Variants in AKAP8 observed in about 807,000 individuals in gnomAD.
AKAP8 encodes A-kinase anchor protein 8.
A neutral mutation model predicts 67.5 loss-of-function variants in AKAP8; 24 were observed. That is an observed-to-expected ratio of 0.36 (90% CI 0.26 to 0.50). The LOEUF (loss-of-function observed/expected upper bound fraction) is 0.50, where lower values mean the gene tolerates loss of function less well. AKAP8 is among the 20% of genes least tolerant of loss of function. AKAP8 has a pLI of 0.97. For synonymous variants in AKAP8, 400 were observed against 371.1 expected (o/e 1.08, Z -0.90); for missense variants, 971 against 955.9 (o/e 1.02, Z -0.21).
chr19:15,369,000 T>G, intron 8 of AKAP8: 1 of 985,986 alleles, frequency 1.0e-6, no homozygotes, highest in Non-Finnish European at 1.2e-6. Context: ...GCGGCCATCA[T>G]CCCAGCATGA....
At chr19:15,365,253 CCT>C (rs1967050539) in intron 9 of AKAP8, among the ~76,000 whole-genome samples, 1 of 152,204 alleles carries the variant, frequency 6.6e-6, no homozygotes. Flanking sequence ...AGACAAAACA[CCT>C]CGCACAATTC....
At chr19:15,367,149 C>T (rs556846432) in intron 9 of AKAP8, among the ~76,000 whole-genome samples, 14 of 152,314 alleles carry the variant, frequency 9.2e-5, no homozygotes, top group East Asian at 3.9e-4. Context: ...TCAAGCGATC[C>T]GCCAGCTCAG....
At position 15,353,932 on chromosome 19, in the gene AKAP8, A is replaced by G. The variant is rs1019516428; in HGVS notation, c.*983T>C. 1 of 149,256 alleles carries G rather than the reference A, an allele frequency of 6.7e-6. No homozygotes were observed. The highest frequency in any genetic ancestry group is 1.5e-5 in the Non-Finnish European group (1 of 67,420). The allele number at this position is 149,256 out of a possible 1,614,324, so 9.2% of individuals were successfully genotyped here. ...AAATGAAACATATATTTCATTTTATATATATATATATATATTACAGATACC... is the reference window on the plus strand; with the variant it reads ...AAATGAAACATATATTTCATTTTATGTATATATATATATATTACAGATACC... On this transcript the variant is annotated 3_prime_UTR_variant, in exon 14 of 14. Coordinates refer to ENST00000269701, the MANE Select transcript of AKAP8 (RefSeq NM_005858.4).
Position 15,373,276 on chromosome 19 carries a change from A to G in AKAP8, c.436T>C (p.Tyr146His). 1 of 1,613,860 alleles carries G rather than the reference A, an allele frequency of 6.2e-7. No individual in the cohort carries two copies. Among genetic ancestry groups the G allele is most frequent in the South Asian group, 1.1e-5 (1 of 91,086 alleles). Residue 146 changes from tyrosine (Y) to histidine (H), a missense_variant, in exon 5 of 14, where the codon TAC (tyrosine) becomes CAC (histidine). Coordinates refer to ENST00000269701, the MANE Select transcript of AKAP8 (RefSeq NM_005858.4). ...SRPCLPEHNP[Y>H]RPSYSYDYEF... ...TAGTCGTAGCTGTAGCTGGGGCGGT[A>G]GGGGTTGTGCTCCGGCAGGCAGGGC...
intron 12 of AKAP8, 83 bp downstream of exon 12, chr19:15,360,765 T>C (rs771360987): frequency 1.3e-6 from 2 of 1,489,182 alleles, no homozygotes; most frequent in South Asian, 1.3e-5. Flanking sequence ...CCTAAAGATG[T>C]TGTTATTCCC....
At position 15,361,797 on chromosome 19, in the gene AKAP8, T is replaced by C; in HGVS notation, c.1328A>G (p.Lys443Arg). 2 of 1,614,114 alleles carry C rather than the reference T, an allele frequency of 1.2e-6. No homozygotes were observed. The highest frequency in any genetic ancestry group is 1.7e-6 in the Non-Finnish European group (2 of 1,179,936). The change falls in exon 11 of 14, where the codon AAA becomes AGA. Residue 443 changes from lysine to arginine, a missense_variant. Physicochemically the swap from Lys to Arg is conservative, Grantham distance 26 (BLOSUM62 2). Transcript: ENST00000269701. ...LQEYIVNRNK[K>R]IEKRRQELME... ...CAATTCCTGACGCCGCTTCTCAATT[T>C]TCTTATTTCTGTTTACAATGTATTC... is the stretch of plus-strand genomic sequence containing the variant.
chr19:15,357,508 T>A (rs1966900088), intron 13 of AKAP8, among the ~76,000 whole-genome samples: 1 of 147,642 alleles, frequency 6.8e-6, no homozygotes, highest in South Asian at 2.1e-4. Context: ...CCTGGCAGGC[T>A]GAGTGGGGAG....
intron 11 of AKAP8, chr19:15,361,433 C>T: frequency 3.3e-6 from 1 of 304,818 alleles, no homozygotes; most frequent in Non-Finnish European, 6.3e-6. Flanking sequence ...TCACTGCAAG[C>T]TCTGACTCCC....
chr19:15,372,702 GGAT>G, intron 5 of AKAP8, 146 bp downstream of exon 5: 1 of 1,195,468 alleles, frequency 8.4e-7, no homozygotes, highest in Non-Finnish European at 1.1e-6. Flanking sequence ...GTGATGGTGG[GGAT>G]GGTTGCACAA....
chr19:15,373,112 G>A lies in AKAP8; in HGVS notation c.600C>T (p.Asn200=). The part of the protein sequence containing the change: ...RGQGRFQDRS[N]PGTFMRSDPF... ...GGTCGCTGCGCATGAAGGTGCCAGGGTTGCTCCGGTCCTGGAAGCGGCCCT... is the reference window on the plus strand; with the variant it reads ...GGTCGCTGCGCATGAAGGTGCCAGGATTGCTCCGGTCCTGGAAGCGGCCCT... The change falls in exon 5 of 14, where the codon AAC becomes AAT. Residue 200 remains asparagine (N), a synonymous_variant. Coordinates refer to ENST00000269701, the MANE Select transcript of AKAP8 (RefSeq NM_005858.4). 2.5e-6 allele frequency: 4 copies of A among 1,612,614 alleles called. No homozygotes were observed. Among genetic ancestry groups the A allele is most frequent in the Non-Finnish European group, 3.4e-6 (4 of 1,179,792 alleles).
In AKAP8 at chr19:15,368,311, C is replaced by A. The variant is rs1967101238; in HGVS notation, c.1084G>T (p.Asp362Tyr). The change falls in exon 9 of 14, where the codon GAC becomes TAC. Residue 362 changes from aspartate (D) to tyrosine (Y), a missense_variant. Physicochemically the swap from Asp to Tyr is radical, Grantham distance 160 (BLOSUM62 -3). Coordinates refer to ENST00000269701, the MANE Select transcript of AKAP8 (RefSeq NM_005858.4). Reference sequence around the variant, plus strand: ...CTCTTCTTCACATCCTCGTCCTCGTCCTCCTTCTCTCCTGTAACAGACAAG... The same window carrying A: ...CTCTTCTTCACATCCTCGTCCTCGTACTCCTTCTCTCCTGTAACAGACAAG... The part of the protein sequence containing the change: ...DSGRQRGEKE[D>Y]EDEDVKKRRE... 1.2e-6 allele frequency: 2 copies of A among 1,613,612 alleles called. No homozygotes were observed. Among genetic ancestry groups the A allele is most frequent in the Middle Eastern group, 1.6e-4 (1 of 6,084 alleles).
Position 15,369,145 on chromosome 19 carries a change from T to A in AKAP8, c.1073-823A>T, listed in dbSNP as rs1967114753. On this transcript the variant is annotated intron_variant, in intron 8 of 13. Coordinates refer to ENST00000269701, the MANE Select transcript of AKAP8 (RefSeq NM_005858.4). This position sits in a 1 kb window ranked among gnomAD's most constrained non-coding sequence, Gnocchi z 4.6. ...CTCAGAAGCCTCTCAAAAGGGCGTG[T>A]GGGATTTTTGGCAAGAGGTCACTGC... The A allele has an allele frequency of 1.0e-6, 1 of 985,256 alleles. No individual in the cohort carries two copies. The highest frequency in any genetic ancestry group is 4.7e-5 in the South Asian group (1 of 21,284). The allele number at this position is 985,256 out of a possible 1,614,324, so 61.0% of individuals were successfully genotyped here. A position where few individuals can be genotyped will look rare whatever the true frequency, so the allele number is the denominator to read the frequency against.
At chr19:15,357,182 A>T (rs1966895311) in intron 13 of AKAP8, among the ~76,000 whole-genome samples, 1 of 151,040 alleles carries the variant, frequency 6.6e-6, no homozygotes, top group Non-Finnish European at 1.5e-5. Flanking sequence ...GCTGGTCTTG[A>T]ACTCCTGACC....
chr19:15,374,691 C>T, intron 2 of AKAP8, 56 bp from the exon 3 acceptor site: 1 of 1,597,204 alleles, frequency 6.3e-7, no homozygotes. Flanking sequence ...GGCACTGACA[C>T]CCCAGCTGTC....
At chr19:15,379,675 C>G in intron 1 of AKAP8, 38 bp downstream of exon 1, 1 of 1,601,230 alleles carries the variant, frequency 6.2e-7, no homozygotes, top group Non-Finnish European at 8.5e-7. Flanking sequence ...CGCACAGAGC[C>G]TTCCCTCCCC....
At chr19:15,368,808 G>C (rs1430991992) in intron 8 of AKAP8, 1 of 985,194 alleles carries the variant, frequency 1.0e-6, no homozygotes, top group Admixed American at 6.2e-5. Context: ...GTCTGAACTA[G>C]GGCCTCAGCA....
chr19:15,362,129 T>C lies in AKAP8; in HGVS notation c.1283A>G (p.Lys428Arg). Residue 428 changes from lysine to arginine, a missense_variant, in exon 10 of 14, where the codon AAG becomes AGG. Transcript: ENST00000269701. The part of the protein sequence containing the change: ...LRFISTKLPD[K>R]TVEFLQEYIV... ...CTTTACCTGGAGGAACTCCACGGTC[T>C]TGTCGGGCAGCTTGGTGCTTATGAA... The C allele has an allele frequency of 6.2e-7, 1 of 1,614,098 alleles. No individual in the cohort carries two copies. The highest frequency in any genetic ancestry group is 8.5e-7 in the Non-Finnish European group (1 of 1,179,966).
At chr19:15,367,355 C>T (rs950309838) in intron 9 of AKAP8, among the ~76,000 whole-genome samples, 10 of 152,108 alleles carry the variant, frequency 6.6e-5, no homozygotes, top group Admixed American at 3.3e-4. Flanking sequence ...CGGTGAATCC[C>T]GACCTCTACT....
In AKAP8 at chr19:15,379,697, A is replaced by C; in HGVS notation, c.19+16T>G. 6.2e-7 allele frequency: 1 copy of C among 1,608,428 alleles called. No homozygotes were observed. Among genetic ancestry groups the C allele is most frequent in the Non-Finnish European group, 8.5e-7 (1 of 1,177,954 alleles). On this transcript the variant is annotated intron_variant, in intron 1 of 13. Transcript: ENST00000269701. Reference sequence around the variant, plus strand: ...AGCCTTCCCTCCCCGCTCCGCACCCAGCAGCCAACACAAACCTCCGTAGCC... The same window carrying C: ...AGCCTTCCCTCCCCGCTCCGCACCCCGCAGCCAACACAAACCTCCGTAGCC...
Sources: allele counts gnomAD v4.1 joint callset (sites outside exome capture counted in the v4.1 genomes callset), GRCh38; gene constraint gnomAD v4.1.1; non-coding constraint Gnocchi (gnomAD v3.1); transcripts MANE v1.5; gene names NCBI Gene and HGNC (gene_info 2026-07-23, HGNC 2026-07-21).